Variants in OSBPL10 observed in about 807,000 individuals in gnomAD.
The protein encoded by OSBPL10 is oxysterol binding protein like 10.
A neutral mutation model predicts 81.7 loss-of-function variants in OSBPL10; 49 were observed. That is an observed-to-expected ratio of 0.60 (90% CI 0.48 to 0.76). The LOEUF is 0.76. Ranked by LOEUF, OSBPL10 falls within the 30% of genes least tolerant of loss-of-function variation. The probability of loss-of-function intolerance (pLI) is 0.00; values close to 1 mark genes in which losing one functional copy is unlikely to be tolerated. For synonymous variants in OSBPL10, 419 were observed against 383.6 expected (o/e 1.09, Z -1.08); for missense variants, 923 against 987.8 (o/e 0.93, Z 0.88).
intron 7 of OSBPL10, among the ~76,000 whole-genome samples, chr3:31,685,408 G>C (rs190845831): frequency 6.6e-6 from 1 of 152,096 alleles, no homozygotes; most frequent in Non-Finnish European, 1.5e-5. Context: ...TCACCATGTT[G>C]CCCAGGCTCA....
At chr3:31,893,804 CAG>C (rs1264385318) in intron 1 of OSBPL10, among the ~76,000 whole-genome samples, 2 of 152,092 alleles carry the variant, frequency 1.3e-5, no homozygotes, top group East Asian at 3.9e-4. Flanking sequence ...CAAAGGGAAA[CAG>C]AGAGACAAAA....
chr3:31,768,034 C>T (rs568172304), intron 4 of OSBPL10, among the ~76,000 whole-genome samples: 6 of 152,196 alleles, frequency 3.9e-5, no homozygotes, highest in Admixed American at 2.0e-4. Flanking sequence ...CTTGATCGTG[C>T]GCTAAAAAAG....
chr3:31,876,131 A>G (rs188351388), intron 3 of OSBPL10, among the ~76,000 whole-genome samples: 1 of 152,254 alleles, frequency 6.6e-6, no homozygotes, highest in East Asian at 1.9e-4. Context: ...CCACAATGAA[A>G]TCATCCACTA....
chr3:31,704,254 G>A (rs1695990276), intron 6 of OSBPL10: 1 of 152,392 alleles, frequency 6.6e-6, no homozygotes, highest in South Asian at 2.1e-4. Context: ...GTTTGAAAGT[G>A]GGTGGCTGTC....
chr3:31,857,789 G>GAGAGAGA (rs147861522), intron 3 of OSBPL10, among the ~76,000 whole-genome samples: 1 of 2,124 alleles, frequency 4.7e-4, no homozygotes, highest in African/African-American at 3.4e-3. Context: ...GGGGTGGGGG[G>GAGAGAGA]GAGAGACAGA....
At chr3:31,955,237 CAG>C (rs1303375701) in intron 1 of OSBPL10, among the ~76,000 whole-genome samples, 1 of 152,146 alleles carries the variant, frequency 6.6e-6, no homozygotes, top group African/African-American at 2.4e-5. Flanking sequence ...TACTATACAC[CAG>C]AGGTATATGC....
intron 4 of OSBPL10, among the ~76,000 whole-genome samples, chr3:31,769,470 C>A (rs56345558): frequency 0.11 from 3,048 of 27,700 alleles, 646 homozygotes; most frequent in Non-Finnish European, 0.15. Flanking sequence ...AAAAAAAAAA[C>A]AAAAAAAAAC....
At chr3:31,672,601 G>A (rs75332298) in intron 8 of OSBPL10, among the ~76,000 whole-genome samples, 8,378 of 152,178 alleles carry the variant, frequency 0.055, 277 homozygotes, top group South Asian at 0.089. Context: ...TCAATTTACC[G>A]TGGAGAATTC....
Position 31,980,937 on chromosome 3 carries a change from G to A in OSBPL10, c.243C>T (p.Leu81=), listed in dbSNP as rs150031339. The A allele has an allele frequency of 2.0e-5, 31 of 1,581,054 alleles. No homozygotes were observed. The African/African-American group carries it at 3.8e-4, about 19-fold the overall frequency. ...CCTGGAGGAGGTTGGTGTATTTGCT[G>A]AGCACGCCCTCGAGCGCCGGCTCCC... ...RRREPALEGV[L]SKYTNLLQGW... Residue 81 remains leucine, a synonymous_variant, in exon 1 of 12, where the codon CTC becomes CTT. Coordinates refer to ENST00000396556, the MANE Select transcript of OSBPL10 (RefSeq NM_017784.5).
At chr3:31,731,043 A>G (rs575357465) in intron 6 of OSBPL10, among the ~76,000 whole-genome samples, 1 of 152,310 alleles carries the variant, frequency 6.6e-6, no homozygotes, top group South Asian at 2.1e-4. Flanking sequence ...ATGTACAGAA[A>G]GGAGGCAACA....
In OSBPL10 at chr3:31,957,733, G is replaced by A. The variant is rs139059841; in HGVS notation, c.281+23166C>T. ...TCGGCTCACTGCAACCTCCGTCTCC[G>A]GGGTTCAAGCAATTCTCCTGCCTCA... On this transcript the variant is annotated intron_variant, in intron 1 of 11. Coordinates refer to ENST00000396556, the MANE Select transcript of OSBPL10 (RefSeq NM_017784.5). 1.4e-3 allele frequency among the ~76,000 whole-genome samples: 214 copies of A among 152,132 alleles called. 3 individuals carry two copies. The East Asian group carries it at 0.038, about 27-fold the overall frequency.
chr3:31,770,444 C>T (rs1488382697), intron 4 of OSBPL10, among the ~76,000 whole-genome samples: 3 of 152,168 alleles, frequency 2.0e-5, no homozygotes, highest in African/African-American at 4.8e-5. Flanking sequence ...AAACAGGAGT[C>T]CATTGTCTGA....
intron 8 of OSBPL10, among the ~76,000 whole-genome samples, chr3:31,676,009 T>C (rs1006159356): frequency 6.6e-6 from 1 of 150,784 alleles, no homozygotes; most frequent in African/African-American, 2.4e-5. Context: ...CTGTGAGGGA[T>C]GGAAGAGACA....
chr3:32,033,827 C>T (rs530692263), intron 2 of OSBPL10, among the ~76,000 whole-genome samples: 1 of 152,128 alleles, frequency 6.6e-6, no homozygotes, highest in Non-Finnish European at 1.5e-5. Flanking sequence ...TTTTGGGAGG[C>T]TGAGGCAGGA....
intron 4 of OSBPL10, among the ~76,000 whole-genome samples, chr3:31,805,645 A>T (rs1559472752): frequency 6.6e-6 from 1 of 152,212 alleles, no homozygotes; most frequent in Non-Finnish European, 1.5e-5. Flanking sequence ...AATACAAAGC[A>T]CCTTAAAATA....
intron 2 of OSBPL10, among the ~76,000 whole-genome samples, chr3:32,006,776 T>C (rs1263385119): frequency 6.6e-6 from 1 of 152,260 alleles, no homozygotes; most frequent in Admixed American, 6.5e-5. Context: ...CATCGGGCTA[T>C]TTACCCACAC....
chr3:31,663,300 A>G, intron 11 of OSBPL10: 1 of 985,316 alleles, frequency 1.0e-6, no homozygotes, highest in Non-Finnish European at 1.2e-6. Context: ...CAACTAGACA[A>G]TCTGTTTTAT....
rs1267434065 is a variant in OSBPL10 at position 32,043,728 on chromosome 3, C to T, written n.298+2763G>A. The stretch of plus-strand genomic sequence containing the variant: ...CTCAAAAATAATTTGCTAAAAGACA[C>T]AGCCATAAAAAGAATGAAATCATGT... On this transcript the variant is annotated intron_variant and non_coding_transcript_variant, in intron 2 of 3. Transcript: ENST00000479173. Among the ~76,000 whole-genome samples the T allele has an allele frequency of 2.0e-5, 3 of 152,190 alleles. No individual in the cohort carries two copies. The East Asian group carries it at 5.8e-4, about 29-fold the overall frequency.
intron 4 of OSBPL10, among the ~76,000 whole-genome samples, chr3:31,805,259 G>A (rs1699492113): frequency 2.6e-5 from 4 of 152,082 alleles, no homozygotes; most frequent in Non-Finnish European, 5.9e-5. Flanking sequence ...CCCTTTCTGA[G>A]AATTTGCAAT....
Sources: gnomAD v4.1 joint callset for allele counts (sites outside exome capture counted in the v4.1 genomes callset) on GRCh38, gnomAD v4.1.1 for gene constraint, MANE v1.5 for transcripts, NCBI Gene and HGNC (gene_info 2026-07-23, HGNC 2026-07-21) for gene names.